Variants in C12orf50 observed in about 807,000 individuals in gnomAD.
C12orf50 encodes the protein uncharacterized protein C12orf50.
C12orf50 carries 35 observed loss-of-function variants against 61.6 expected under a neutral mutation model. That is an observed-to-expected ratio of 0.57 (90% CI 0.43 to 0.75). The LOEUF (loss-of-function observed/expected upper bound fraction) is 0.75. Ranked by LOEUF, C12orf50 falls within the 30% of genes least tolerant of loss-of-function variation. C12orf50 has a pLI of 0.00. For synonymous variants in C12orf50, 178 were observed against 161.5 expected, an observed-to-expected ratio of 1.10 and a Z score of -0.77; for missense variants, 475 against 488.5, an observed-to-expected ratio of 0.97 and a Z score of 0.26.
chr12:87,986,419 T>C lies in C12orf50; in HGVS notation c.818-3A>G, dbSNP rs764944023. ...CTTCACTGGCTGGACATCATTCACT[T>C]AGAAAAGATACAAATTTTACAATTT... On this transcript the variant is annotated splice_region_variant and splice_polypyrimidine_tract_variant and intron_variant, in intron 9 of 12. Coordinates refer to ENST00000298699, the MANE Select transcript of C12orf50 (RefSeq NM_152589.3). The C allele has an allele frequency of 6.3e-7, 1 of 1,586,292 alleles. No homozygotes were observed. Among genetic ancestry groups the C allele is most frequent in the East Asian group, 2.2e-5 (1 of 44,562 alleles).
At chr12:87,994,865 A>G (rs1355909699) in intron 6 of C12orf50, 122 bp from the exon 7 acceptor site, 14 of 616,664 alleles carry the variant, frequency 2.3e-5, no homozygotes, top group Admixed American at 5.9e-5. Flanking sequence ...TTGTTTGCAC[A>G]GTGATCTGAT....
intron 8 of C12orf50, among the ~76,000 whole-genome samples, chr12:87,988,636 T>C (rs1351119770): frequency 2.0e-5 from 3 of 152,174 alleles, no homozygotes; most frequent in Non-Finnish European, 4.4e-5. Flanking sequence ...ACGAAAATGA[T>C]TTGATCACAG....
chr12:88,026,599 T>A lies in C12orf50; in HGVS notation c.22A>T (p.Ser8Cys). The A allele has an allele frequency of 6.2e-7, 1 of 1,613,164 alleles. No individual in the cohort carries two copies. Among genetic ancestry groups the A allele is most frequent in the South Asian group, 1.1e-5 (1 of 91,020 alleles). The change falls in exon 3 of 13, where the codon AGC (serine) becomes TGC (cysteine). Residue 8 changes from serine (S) to cysteine (C), a missense_variant. Ser to Cys is a moderately radical substitution (Grantham distance 112). Transcript: ENST00000298699. Reference sequence around the variant, plus strand: ...TGAGTTTCCCAGAAGCATGAAATGCTGCAGTTTTGCTAGATAAAAGGAGAT... The same window carrying A: ...TGAGTTTCCCAGAAGCATGAAATGCAGCAGTTTTGCTAGATAAAAGGAGAT... MEMQQNC[S>C]ISCFWETQPL...
intron 10 of C12orf50, 80 bp from the exon 11 acceptor site, chr12:87,986,133 C>T: frequency 5.4e-6 from 8 of 1,470,796 alleles, no homozygotes; most frequent in Non-Finnish European, 7.5e-6. Flanking sequence ...ACTGCAAATA[C>T]TTCATAGCAT....
chr12:87,983,078 A>G lies in C12orf50; in HGVS notation c.1219+25T>C, dbSNP rs549683315. 2.3e-5 allele frequency: 32 copies of G among 1,392,784 alleles called. No homozygotes were observed. The South Asian group carries it at 3.7e-4, about 16-fold the overall frequency. 86.3% of individuals were successfully genotyped at this position (1,392,784 alleles called of 1,614,324 possible). Reference sequence around the variant, plus strand: ...ATTCATTTTCAGAATTGCATGATACATTAAAACCACTTATAAATAGTTACC... The same window carrying G: ...ATTCATTTTCAGAATTGCATGATACGTTAAAACCACTTATAAATAGTTACC... On this transcript the variant is annotated intron_variant, in intron 12 of 12. Transcript: ENST00000298699.
At chr12:88,012,448 T>C (rs560359998) in intron 3 of C12orf50, among the ~76,000 whole-genome samples, 21 of 152,298 alleles carry the variant, frequency 1.4e-4, no homozygotes, top group African/African-American at 3.8e-4. Flanking sequence ...CTCACAGGAA[T>C]TGGGCACTGT....
chr12:87,996,704 T>C lies in C12orf50; in HGVS notation c.290-58A>G, dbSNP rs138457572. ...CCCAAAGCCAATTAATCTGAAAATT[T>C]ATAAACCAGAAAGGAAAACCCCAAA... On this transcript the variant is annotated intron_variant, in intron 4 of 12. Coordinates refer to ENST00000298699, the MANE Select transcript of C12orf50 (RefSeq NM_152589.3). 1.3e-3 allele frequency: 1,733 copies of C among 1,331,664 alleles called. 21 individuals are homozygous for C. The African/African-American group carries it at 0.023, about 18-fold the overall frequency. 82.5% of individuals were successfully genotyped at this position (1,331,664 alleles called of 1,614,324 possible).
chr12:87,990,833 G>A (rs1416277589), intron 7 of C12orf50, among the ~76,000 whole-genome samples: 1 of 151,498 alleles, frequency 6.6e-6, no homozygotes, highest in African/African-American at 2.4e-5. Flanking sequence ...TCTGAAATAG[G>A]CATAAAACTC....
Position 87,996,372 on chromosome 12 carries a change from AC to A in C12orf50, c.481+1del. On this transcript the variant is annotated splice_donor_variant, in intron 6 of 12. Transcript: ENST00000298699. LOFTEE classifies it high-confidence loss of function. ...TATGAATGCTGCCTTTTCATTTCTTACCTTCTTGCAATTCACTGCCATTTTC... is the reference window on the plus strand; with the variant it reads ...TATGAATGCTGCCTTTTCATTTCTTACTTCTTGCAATTCACTGCCATTTTC... 1 of 1,587,742 alleles carries A rather than the reference AC, an allele frequency of 6.3e-7. No individual in the cohort carries two copies. Among genetic ancestry groups the A allele is most frequent in the Non-Finnish European group, 8.6e-7 (1 of 1,156,808 alleles).
intron 11 of C12orf50, chr12:87,984,534 G>A (rs1424467967): frequency 6.6e-6 from 1 of 152,156 alleles, no homozygotes; most frequent in African/African-American, 2.4e-5. Context: ...CATGTTCGCA[G>A]TAATTGGTGT....
intron 2 of C12orf50, 112 bp from the exon 3 acceptor site, chr12:88,026,720 T>C (rs762352912): frequency 3.6e-6 from 5 of 1,403,750 alleles, no homozygotes; most frequent in Non-Finnish European, 3.9e-6. Context: ...TTAACTGATT[T>C]AGGATCATGT....
chr12:87,996,710 C>A (rs1326296249), intron 4 of C12orf50, 64 bp from the exon 5 acceptor site: 7 of 1,288,296 alleles, frequency 5.4e-6, no homozygotes, highest in Non-Finnish European at 7.7e-6. Context: ...AATTTATAAA[C>A]CAGAAAGGAA....
At chr12:88,003,412 T>G (rs2031729623) in intron 3 of C12orf50, among the ~76,000 whole-genome samples, 1 of 152,050 alleles carries the variant, frequency 6.6e-6, no homozygotes. Flanking sequence ...ACTTTGTTTC[T>G]TCATATGGAT....
intron 7 of C12orf50, among the ~76,000 whole-genome samples, chr12:87,994,124 C>G (rs1005872724): frequency 2.6e-5 from 4 of 151,732 alleles, no homozygotes; most frequent in African/African-American, 9.7e-5. Flanking sequence ...AGCTTGAACT[C>G]GGGAGATGGA....
In C12orf50 at chr12:87,986,296, T is replaced by G. The variant is rs1055975234; in HGVS notation, c.922+16A>C. 10 of 1,509,174 alleles carry G rather than the reference T, an allele frequency of 6.6e-6. No individual in the cohort carries two copies. Among genetic ancestry groups the G allele is most frequent in the Non-Finnish European group, 8.1e-6 (9 of 1,111,450 alleles). 93.5% of individuals were successfully genotyped at this position (1,509,174 alleles called of 1,614,324 possible). ...AAAATTACAATTTAGAAATATCAAA[T>G]ATATAGACACCTTACCTCTCTGCAT... On this transcript the variant is annotated intron_variant, in intron 10 of 12. Transcript: ENST00000298699.
intron 1 of C12orf50, chr12:88,029,044 A>G: frequency 8.1e-7 from 1 of 1,231,452 alleles, no homozygotes; most frequent in Non-Finnish European, 1.1e-6. Flanking sequence ...CATGTGAAGT[A>G]CTGTCAATTG....
rs754468888 is a variant in C12orf50, at chr12:87,985,932, A to G, written c.1044T>C (p.Asn348=). ...QRDAVRTVAL[N]APSRSRPTHG... ...GCGTGGGCCTGCTGCGGGAAGGTGCATTCAACGCGACAGTCCTGACAGCAT... is the reference window on the plus strand; with the variant it reads ...GCGTGGGCCTGCTGCGGGAAGGTGCGTTCAACGCGACAGTCCTGACAGCAT... The change falls in exon 11 of 13, where the codon AAT becomes AAC. Residue 348 remains asparagine, a synonymous_variant. Transcript: ENST00000298699. The G allele has an allele frequency of 6.2e-7, 1 of 1,613,908 alleles. No homozygotes were observed. The highest frequency in any genetic ancestry group is 1.7e-5 in the Admixed American group (1 of 59,986).
intron 3 of C12orf50, among the ~76,000 whole-genome samples, chr12:88,001,709 T>C (rs1234193819): frequency 1.3e-5 from 2 of 151,490 alleles, no homozygotes; most frequent in East Asian, 3.8e-4. Flanking sequence ...TTTTCTAGAG[T>C]CAGTGATGGT....
At chr12:88,025,895 T>A (rs1174170909) in intron 3 of C12orf50, among the ~76,000 whole-genome samples, 1 of 152,220 alleles carries the variant, frequency 6.6e-6, no homozygotes, top group East Asian at 1.9e-4. Context: ...TGTGGTGTCT[T>A]CTGTATCCAC....
Sources: gnomAD v4.1 joint callset for allele counts (sites outside exome capture counted in the v4.1 genomes callset) on GRCh38, gnomAD v4.1.1 for gene constraint, MANE v1.5 for transcripts, NCBI Gene and HGNC (gene_info 2026-07-23, HGNC 2026-07-21) for gene names.